EIF4E3: variants seen among roughly 807,000 people sequenced by gnomAD.
The protein encoded by EIF4E3 is eukaryotic translation initiation factor 4E family member 3.
In EIF4E3, 26 loss-of-function variants were observed where a neutral mutation model predicts 31.7. The ratio of observed to expected loss-of-function variants is 0.82; its 90% CI spans 0.60 to 1.14. The LOEUF (loss-of-function observed/expected upper bound fraction) is 1.14. Among genes scored for constraint, EIF4E3 ranks in the 50% most tolerant of loss-of-function variants. The probability of loss-of-function intolerance (pLI) is 0.00; values close to 1 mark genes in which losing one functional copy is unlikely to be tolerated. For missense variants in EIF4E3, 304 were observed against 270.9 expected (o/e 1.12, Z -0.86); for synonymous variants, 128 against 107.7 (o/e 1.19, Z -1.17).
chr3:71,662,998 C>CA, the EIF4E3 span, among the ~76,000 whole-genome samples: 1 of 152,092 alleles, frequency 6.6e-6, no homozygotes, highest in Non-Finnish European at 1.5e-5. Context: ...AGCTTACCTC[C>CA]AGTGTTTACA....
chr3:71,696,660 G>GT, intron 3 of EIF4E3, 140 bp from the exon 4 acceptor site: 1 of 930,350 alleles, frequency 1.1e-6, no homozygotes, highest in Non-Finnish European at 1.6e-6. Flanking sequence ...TCTTATTTTT[G>GT]TTTTTTATTT....
At chr3:71,740,771 T>G (rs948399777) in intron 1 of EIF4E3, among the ~76,000 whole-genome samples, 1 of 152,074 alleles carries the variant, frequency 6.6e-6, no homozygotes, top group African/African-American at 2.4e-5. Context: ...ATTTACTGAG[T>G]ACCTACTATT....
At chr3:71,744,988 C>G (rs1032644396) in intron 1 of EIF4E3, among the ~76,000 whole-genome samples, 6 of 152,124 alleles carry the variant, frequency 3.9e-5, no homozygotes, top group Non-Finnish European at 5.9e-5. Flanking sequence ...AGGGTGGTAG[C>G]AGGGGTTTCT....
chr3:71,690,087 A>G lies in EIF4E3; in HGVS notation c.551T>C (p.Leu184Ser), dbSNP rs1240401437. The change falls in exon 6 of 7, where the codon TTA becomes TCA. Residue 184 changes from leucine to serine, a missense_variant. By Grantham distance (145) the Leu-to-Ser change is moderately radical. Transcript: ENST00000425534. Reference sequence around the variant, plus strand: ...TTCTAAAACAGTCGCTTCACCCACTAAAGAGGCATTTACATTCCAGACTTG... The same window carrying G: ...TTCTAAAACAGTCGCTTCACCCACTGAAGAGGCATTTACATTCCAGACTTG... ...VVQVWNVNAS[L>S]VGEATVLEKI... 1.9e-6 allele frequency: 3 copies of G among 1,614,054 alleles called. No homozygotes were observed. The highest frequency in any genetic ancestry group is 1.3e-5 in the African/African-American group (1 of 75,008).
intron 1 of EIF4E3, among the ~76,000 whole-genome samples, chr3:71,746,052 T>C (rs2049869188): frequency 6.6e-6 from 1 of 152,200 alleles, no homozygotes; most frequent in South Asian, 2.1e-4. Context: ...GCAGATACAA[T>C]CCCAGTTTAA....
At chr3:71,715,524 T>C (rs2049451605) in intron 1 of EIF4E3, among the ~76,000 whole-genome samples, 2 of 152,202 alleles carry the variant, frequency 1.3e-5, no homozygotes, top group Admixed American at 1.3e-4. Context: ...GGGAGGAACA[T>C]ACATGCTGAT....
chr3:71,711,268 T>C (rs1023339521), intron 1 of EIF4E3, among the ~76,000 whole-genome samples: 1 of 152,202 alleles, frequency 6.6e-6, no homozygotes, highest in African/African-American at 2.4e-5. Context: ...TCTCTCTATA[T>C]TGAATTAGCA....
rs552574841 is a variant in EIF4E3, at chr3:71,675,673, C to T, written c.*9009G>A. 1 of 152,344 alleles carries T rather than the reference C, an allele frequency of 6.6e-6. No individual in the cohort carries two copies. Among genetic ancestry groups the T allele is most frequent in the East Asian group, 1.9e-4 (1 of 5,184 alleles). 9.4% of individuals were successfully genotyped at this position (152,344 alleles called of 1,614,324 possible). A position where few individuals can be genotyped will look rare whatever the true frequency, so the allele number is the denominator to read the frequency against. On this transcript the variant is annotated 3_prime_UTR_variant, in exon 7 of 7. Transcript: ENST00000425534. ...TGTGACCTTGAACGAATTCTTTATA[C>T]TTTCTGGGTCATTTCTTCATCTGTA...
At chr3:71,672,875 T>C (rs1251640939), downstream of EIF4E3, among the ~76,000 whole-genome samples, 2 of 152,114 alleles carry the variant, frequency 1.3e-5, no homozygotes, top group South Asian at 2.1e-4. Context: ...ATTTAAAAAA[T>C]AGAGTTATCA....
intron 1 of EIF4E3, among the ~76,000 whole-genome samples, chr3:71,730,698 G>A (rs1306484911): frequency 6.6e-6 from 1 of 151,938 alleles, no homozygotes; most frequent in African/African-American, 2.4e-5. Context: ...CCGTGTGTTG[G>A]TCTTCCTTCT....
chr3:71,684,824 C>T, intron 6 of EIF4E3, 96 bp from the exon 7 acceptor site: 1 of 1,319,718 alleles, frequency 7.6e-7, no homozygotes, highest in African/African-American at 1.5e-5. Context: ...TTCAGCTTCC[C>T]CAAATGTTGG....
At chr3:71,732,823 T>G (rs1024657628) in intron 1 of EIF4E3, among the ~76,000 whole-genome samples, 2 of 152,260 alleles carry the variant, frequency 1.3e-5, no homozygotes, top group African/African-American at 2.4e-5. Flanking sequence ...AGCCAATGTC[T>G]AACAGCCATG....
At chr3:71,737,880 G>GA (rs111583081) in intron 1 of EIF4E3, among the ~76,000 whole-genome samples, 1,923 of 152,166 alleles carry the variant, frequency 0.013, 46 homozygotes, top group African/African-American at 0.042. Context: ...ACTGAAAGAA[G>GA]AAAACCTGTC....
chr3:71,703,674 C>T (rs2049249549), intron 2 of EIF4E3, among the ~76,000 whole-genome samples: 1 of 152,016 alleles, frequency 6.6e-6, no homozygotes, highest in Non-Finnish European at 1.5e-5. Context: ...CCTCAATTTC[C>T]TACTGAAATG....
At chr3:71,727,298 A>C (rs938191412), upstream of EIF4E3, among the ~76,000 whole-genome samples, 3 of 152,242 alleles carry the variant, frequency 2.0e-5, no homozygotes, top group African/African-American at 7.2e-5. Flanking sequence ...ATCTAGATTC[A>C]TAAGTTATAA....
chr3:71,723,281 T>A (rs2049579133), intron 1 of EIF4E3, among the ~76,000 whole-genome samples: 1 of 152,186 alleles, frequency 6.6e-6, no homozygotes, highest in African/African-American at 2.4e-5. Flanking sequence ...GGTAATGGAT[T>A]CCCACAGAAG....
Position 71,677,275 on chromosome 3 carries a change from GT to G in EIF4E3, c.*7406del, listed in dbSNP as rs1184153842. ...CTTGCTGGCCCTTGCAAATGCTACTGTTTTTTCTTTTCTTCATGTAACAAAA... is the reference window on the plus strand; with the variant it reads ...CTTGCTGGCCCTTGCAAATGCTACTGTTTTTCTTTTCTTCATGTAACAAAA... On this transcript the variant is annotated 3_prime_UTR_variant, in exon 7 of 7. Transcript: ENST00000425534. 2.0e-5 allele frequency: 3 copies of G among 152,150 alleles called. No homozygotes were observed. The highest frequency in any genetic ancestry group is 6.5e-5 in the Admixed American group (1 of 15,272). 9.4% of individuals were successfully genotyped at this position (152,150 alleles called of 1,614,324 possible).
intron 2 of EIF4E3, among the ~76,000 whole-genome samples, chr3:71,705,540 G>C (rs966001120): frequency 2.0e-5 from 3 of 152,194 alleles, no homozygotes; most frequent in African/African-American, 4.8e-5. Context: ...AAGAAGTCAA[G>C]TTATAAGAAA....
In EIF4E3 at chr3:71,703,994, G is replaced by A. The variant is rs544367547; in HGVS notation, c.250-4286C>T. Among the ~76,000 whole-genome samples, 5 of 152,310 alleles carry A rather than the reference G, an allele frequency of 3.3e-5. No individual in the cohort carries two copies. In the East Asian group the frequency reaches 7.7e-4, roughly 24 times the overall value. The stretch of plus-strand genomic sequence containing the variant: ...GGCAGGGCCAATAGGCATCTGAACC[G>A]AATAGGCAACTGAAGAGTTTAATGG... On this transcript the variant is annotated intron_variant, in intron 2 of 6. Transcript: ENST00000425534.
Sources: allele counts gnomAD v4.1 joint callset (sites outside exome capture counted in the v4.1 genomes callset), GRCh38; gene constraint gnomAD v4.1.1; transcripts MANE v1.5; gene names NCBI Gene and HGNC (gene_info 2026-07-23, HGNC 2026-07-21).